PARD3B: variants seen among roughly 807,000 people sequenced by gnomAD.
The protein encoded by PARD3B is par-3 family cell polarity regulator beta, also known as partitioning defective 3 homolog B.
PARD3B carries 103 observed loss-of-function variants against 130.2 expected under a neutral mutation model. The observed-to-expected ratio is 0.79, with a 90% CI of 0.67 to 0.93. The LOEUF is 0.93. Ranked by LOEUF, PARD3B falls within the 40% of genes least tolerant of loss-of-function variation. PARD3B has a pLI of 0.00. For synonymous variants in PARD3B, 583 were observed against 553.2 expected (o/e 1.05, Z -0.76); for missense variants, 1,609 against 1,499.2 (o/e 1.07, Z -1.21).
intron 1 of PARD3B, among the ~76,000 whole-genome samples, chr2:204,645,499 G>T (rs898971559): frequency 3.3e-5 from 5 of 151,982 alleles, no homozygotes; most frequent in Admixed American, 3.3e-4. Flanking sequence ...CTGTACTTTG[G>T]CTTAATGTGA....
intron 21 of PARD3B, among the ~76,000 whole-genome samples, chr2:205,535,689 G>C (rs2051819786): frequency 6.6e-6 from 1 of 152,194 alleles, no homozygotes; most frequent in African/African-American, 2.4e-5. Flanking sequence ...CTATGAGGCA[G>C]TGAGTTCATT....
chr2:204,755,349 G>A (rs2040622466), intron 2 of PARD3B, among the ~76,000 whole-genome samples: 1 of 152,072 alleles, frequency 6.6e-6, no homozygotes, highest in African/African-American at 2.4e-5. Flanking sequence ...TGAAATTGAT[G>A]ATTCTTTTTT....
At chr2:204,884,206 A>G (rs1033371433) in intron 2 of PARD3B, among the ~76,000 whole-genome samples, 11 of 152,180 alleles carry the variant, frequency 7.2e-5, no homozygotes, top group Non-Finnish European at 1.6e-4. Flanking sequence ...GTGAGAGAAG[A>G]GCCAATGGGG....
rs775353377 is a variant in PARD3B at position 205,158,782 on chromosome 2, A to T, written c.1495A>T (p.Ile499Phe). 3 of 1,614,186 alleles carry T rather than the reference A, an allele frequency of 1.9e-6. No homozygotes were observed. Among genetic ancestry groups the T allele is most frequent in the Non-Finnish European group, 2.5e-6 (3 of 1,180,014 alleles). Residue 499 changes from isoleucine (I) to phenylalanine (F), a missense_variant, in exon 11 of 23, where the codon ATC becomes TTC. Ile to Phe is a conservative substitution (Grantham distance 21). Coordinates refer to ENST00000406610, the MANE Select transcript of PARD3B (RefSeq NM_001302769.2). This position sits in a 1 kb window ranked among gnomAD's most constrained non-coding sequence, Gnocchi z 5.4. ...GACAAGCGAGCAGCTCACCTTTGAG[A>T]TCCCCCTGAATGATTCAGGTTCTGC... is the stretch of plus-strand genomic sequence containing the variant. ...LETSEQLTFEIPLNDSGSAGL... is the reference protein window; with the variant it reads ...LETSEQLTFEFPLNDSGSAGL...
At chr2:204,963,947 C>T (rs1690973587) in intron 2 of PARD3B, among the ~76,000 whole-genome samples, 1 of 152,070 alleles carries the variant, frequency 6.6e-6, no homozygotes, top group Non-Finnish European at 1.5e-5. Context: ...ATTTGCATAT[C>T]CTTAATTGTA....
At chr2:205,155,546 T>A (rs528386763) in intron 10 of PARD3B, among the ~76,000 whole-genome samples, 1 of 152,314 alleles carries the variant, frequency 6.6e-6, no homozygotes, top group African/African-American at 2.4e-5. Context: ...AATTTTGATT[T>A]GTCAATTAAA....
At chr2:205,539,354 A>G (rs73060139) in intron 21 of PARD3B, among the ~76,000 whole-genome samples, 3,606 of 152,304 alleles carry the variant, frequency 0.024, 133 homozygotes, top group African/African-American at 0.08. Context: ...AGTATCTGAC[A>G]ATATATCACT....
At chr2:205,526,203 T>G (rs571629577) in intron 21 of PARD3B, among the ~76,000 whole-genome samples, 1 of 152,214 alleles carries the variant, frequency 6.6e-6, no homozygotes, top group Non-Finnish European at 1.5e-5. Context: ...CATCTTTTTA[T>G]CCCTGTCCCT....
chr2:204,901,805 A>G (rs748393704), intron 2 of PARD3B, among the ~76,000 whole-genome samples: 14 of 152,128 alleles, frequency 9.2e-5, no homozygotes, highest in Non-Finnish European at 1.9e-4. Context: ...CTCTTTAGTC[A>G]GCAGGTGATG....
intron 20 of PARD3B, among the ~76,000 whole-genome samples, chr2:205,448,737 T>C (rs1345029589): frequency 1.3e-5 from 2 of 152,188 alleles, no homozygotes; most frequent in African/African-American, 4.8e-5. Flanking sequence ...CTCTTTGGGA[T>C]CTTCAGTTAG....
intron 4 of PARD3B, among the ~76,000 whole-genome samples, chr2:205,098,556 C>CA (rs1471275832): frequency 2.0e-5 from 3 of 151,580 alleles, no homozygotes; most frequent in South Asian, 4.2e-4. Context: ...CATTCTCTTC[C>CA]AAAAAAAAGT....
Position 205,300,883 on chromosome 2 carries a change from T to C in PARD3B, c.2392+147T>C, listed in dbSNP as rs140211264. ...TTAAAAGTAATTCATTTTCCTGATA[T>C]GTTTTGCCCTTTGGCTTAATGAACA... On this transcript the variant is annotated intron_variant, in intron 17 of 22. Transcript: ENST00000406610. This position sits in a 1 kb window ranked among gnomAD's most constrained non-coding sequence, Gnocchi z 4.1. 6 of 959,806 alleles carry C rather than the reference T, an allele frequency of 6.3e-6. No individual in the cohort carries two copies. The East Asian group carries it at 7.9e-5, about 13-fold the overall frequency. The allele number at this position is 959,806 out of a possible 1,614,324, so 59.5% of individuals were successfully genotyped here.
chr2:205,344,576 A>C (rs1231380937), intron 18 of PARD3B, among the ~76,000 whole-genome samples: 2 of 152,146 alleles, frequency 1.3e-5, no homozygotes, highest in African/African-American at 4.8e-5. Context: ...GTCTGACTTC[A>C]ACCCTTTTCT....
At chr2:204,991,671 G>A (rs1275365695) in intron 3 of PARD3B, among the ~76,000 whole-genome samples, 1 of 149,878 alleles carries the variant, frequency 6.7e-6, no homozygotes, top group Non-Finnish European at 1.5e-5. Flanking sequence ...CACAATGGTT[G>A]AACTAGTTTA....
rs771877719 is a variant in PARD3B at position 205,122,530 on chromosome 2, G to A, written c.1165+581G>A. 2.6e-4 allele frequency among the ~76,000 whole-genome samples: 39 copies of A among 152,154 alleles called. No homozygotes were observed. Among genetic ancestry groups the A allele is most frequent in the Non-Finnish European group, 4.1e-4 (28 of 68,032 alleles). ...AGATCAGTGAGAAGAGATCATGTGT[G>A]TACATGCATATTTATGCAGTATTCT... On this transcript the variant is annotated intron_variant, in intron 8 of 22. Coordinates refer to ENST00000406610, the MANE Select transcript of PARD3B (RefSeq NM_001302769.2). This position sits in a 1 kb window ranked among gnomAD's most constrained non-coding sequence, Gnocchi z 4.3.
At chr2:204,976,955 CACTTTCA>C (rs1284302265) in intron 3 of PARD3B, among the ~76,000 whole-genome samples, 2 of 152,040 alleles carry the variant, frequency 1.3e-5, no homozygotes, top group African/African-American at 2.4e-5. Context: ...CCCTTTATTC[CACTTTCA>C]ACTTTCAACC....
At chr2:204,666,611 G>A (rs1229134137) in intron 1 of PARD3B, among the ~76,000 whole-genome samples, 2 of 152,062 alleles carry the variant, frequency 1.3e-5, no homozygotes, top group African/African-American at 4.8e-5. Context: ...AGAAGATAAA[G>A]TCAATAGAAT....
intron 18 of PARD3B, among the ~76,000 whole-genome samples, chr2:205,342,283 T>C (rs546937723): frequency 6.6e-6 from 1 of 152,306 alleles, no homozygotes; most frequent in South Asian, 2.1e-4. Flanking sequence ...ATTTAATTTT[T>C]CTGTGGATTA....
chr2:205,194,959 T>TG (rs201658740), intron 15 of PARD3B, among the ~76,000 whole-genome samples: 8,653 of 141,230 alleles, frequency 0.061, 362 homozygotes, highest in East Asian at 0.2. Context: ...AATTTTTTTT[T>TG]TTTTTTTTTT....
Sources: gnomAD v4.1 joint callset for allele counts (sites outside exome capture counted in the v4.1 genomes callset) on GRCh38, gnomAD v4.1.1 for gene constraint, Gnocchi (gnomAD v3.1) non-coding constraint, MANE v1.5 for transcripts, NCBI Gene and HGNC (gene_info 2026-07-23, HGNC 2026-07-21) for gene names.